ARHGEF3: variants seen among roughly 807,000 people sequenced by gnomAD.
ARHGEF3 encodes the protein 59.8 kDA protein.
ARHGEF3 carries 28 observed loss-of-function variants against 63.2 expected under a neutral mutation model. That is an observed-to-expected ratio of 0.44 (90% CI 0.33 to 0.61). The LOEUF (loss-of-function observed/expected upper bound fraction) is 0.61, where lower values mean the gene tolerates loss of function less well. ARHGEF3 is among the 20% of genes least tolerant of loss of function. The pLI is 0.03. For missense variants in ARHGEF3, 533 were observed against 659.3 expected (o/e 0.81, Z 2.10); for synonymous variants, 266 against 254.2 (o/e 1.05, Z -0.44).
At chr3:56,975,816 C>T in intron 2 of ARHGEF3, 1 of 421,230 alleles carries the variant, frequency 2.4e-6, no homozygotes, top group Non-Finnish European at 4.6e-6. Flanking sequence ...TGAAGTATAA[C>T]AGGACTTAAA....
Position 56,795,673 on chromosome 3 carries a change from T to C in ARHGEF3, c.96+6030A>G, listed in dbSNP as rs1029638746. 6.9e-4 allele frequency among the ~76,000 whole-genome samples: 104 copies of C among 151,184 alleles called. 3 individuals are homozygous for C. Among genetic ancestry groups the C allele is most frequent in the Non-Finnish European group, 2.5e-4 (17 of 67,858 alleles). On this transcript the variant is annotated intron_variant, in intron 1 of 9. Coordinates refer to ENST00000296315, the MANE Select transcript of ARHGEF3 (RefSeq NM_019555.3). ...TCTCTCTCTTTTTTTTTTTTGAAGA[T>C]GGACTCTTGCTCTGTTGCTCAGACT...
chr3:57,057,903 A>G (rs1705014098), intron 1 of ARHGEF3, among the ~76,000 whole-genome samples: 1 of 152,206 alleles, frequency 6.6e-6, no homozygotes, highest in Non-Finnish European at 1.5e-5. Context: ...TAGACAGACA[A>G]GGGAGAGTTG....
At chr3:57,025,333 G>A (rs1324405288) in intron 2 of ARHGEF3, among the ~76,000 whole-genome samples, 1 of 152,146 alleles carries the variant, frequency 6.6e-6, no homozygotes, top group Non-Finnish European at 1.5e-5. Flanking sequence ...TCTTTACAAT[G>A]ACACAATGAT....
At position 56,745,206 on chromosome 3, in the gene ARHGEF3, G is replaced by A; in HGVS notation, c.869C>T (p.Ala290Val). ...AGAGAAGGAAACAGACAAACTTACA[G>A]CTTCTTCCAAGTGCTGCTGATCTGG... Reference protein sequence around the residue: ...DNPDQQHLEEAINIIQGIVAE... With the variant: ...DNPDQQHLEEVINIIQGIVAE... Residue 290 changes from alanine (A) to valine (V), a missense_variant and splice_region_variant, in exon 7 of 10, where the codon GCT (alanine) becomes GTT (valine). Physicochemically the swap from Ala to Val is moderately conservative, Grantham distance 64. Transcript: ENST00000296315. 6.2e-7 allele frequency: 1 copy of A among 1,611,508 alleles called. No individual in the cohort carries two copies. The highest frequency in any genetic ancestry group is 1.1e-5 in the South Asian group (1 of 90,950).
chr3:56,748,721 C>G (rs977395329), intron 6 of ARHGEF3, among the ~76,000 whole-genome samples: 3 of 152,034 alleles, frequency 2.0e-5, no homozygotes, highest in Non-Finnish European at 4.4e-5. Context: ...TTTCTTTATG[C>G]TAGGGAAGGC....
intron 2 of ARHGEF3, among the ~76,000 whole-genome samples, chr3:56,966,254 T>C (rs1700490848): frequency 1.3e-5 from 2 of 152,194 alleles, no homozygotes; most frequent in African/African-American, 4.8e-5. Flanking sequence ...ATGTTGGATG[T>C]ATAGTGGGTA....
chr3:57,004,429 C>T (rs1310418094), intron 2 of ARHGEF3, among the ~76,000 whole-genome samples: 4 of 152,218 alleles, frequency 2.6e-5, no homozygotes, highest in Non-Finnish European at 5.9e-5. Context: ...CCAGGTTTTC[C>T]TTCTGTTCTC....
intron 1 of ARHGEF3, among the ~76,000 whole-genome samples, chr3:56,787,047 C>A (rs1457875275): frequency 6.6e-6 from 1 of 152,134 alleles, no homozygotes; most frequent in African/African-American, 2.4e-5. Flanking sequence ...CAGCAGAGAG[C>A]AGCAAGGTTC....
rs528130491 is a variant in ARHGEF3, at chr3:57,072,748, A to C, written c.-28+6478T>G. ...TGTCAAAAAAAAAAAAAAAAAGAAT[A>C]AAAATAAATAAAAACAAGCCAGGCG... On this transcript the variant is annotated intron_variant, in intron 1 of 12. Coordinates refer to the ARHGEF3 transcript ENST00000338458. 2.0e-5 allele frequency among the ~76,000 whole-genome samples: 3 copies of C among 150,790 alleles called. No homozygotes were observed. In the South Asian group the frequency reaches 6.3e-4, roughly 32 times the overall value.
chr3:57,062,475 A>C (rs967549856), intron 1 of ARHGEF3, among the ~76,000 whole-genome samples: 6 of 152,164 alleles, frequency 3.9e-5, no homozygotes, highest in Non-Finnish European at 8.8e-5. Flanking sequence ...GGTGCTCAGG[A>C]GCATGGGGAA....
intron 3 of ARHGEF3, among the ~76,000 whole-genome samples, chr3:56,948,595 T>C (rs975046864): frequency 6.6e-6 from 1 of 152,198 alleles, no homozygotes; most frequent in Non-Finnish European, 1.5e-5. Context: ...GTTGAATCTC[T>C]GAATAGACCA....
intron 3 of ARHGEF3, among the ~76,000 whole-genome samples, chr3:56,896,164 T>C (rs1376092674): frequency 6.6e-6 from 1 of 152,186 alleles, no homozygotes; most frequent in African/African-American, 2.4e-5. Context: ...TTTTGGCAAG[T>C]TTATTTTAAT....
At chr3:56,880,376 C>A (rs1368490682) in intron 4 of ARHGEF3, among the ~76,000 whole-genome samples, 1 of 152,216 alleles carries the variant, frequency 6.6e-6, no homozygotes, top group African/African-American at 2.4e-5. Flanking sequence ...AGTCTTGTGA[C>A]CTTGATGGGA....
At chr3:56,731,835 C>G (rs2033183199) in intron 9 of ARHGEF3, 1 of 298,618 alleles carries the variant, frequency 3.3e-6, no homozygotes, top group South Asian at 6.2e-5. Flanking sequence ...ATTCTTATGT[C>G]TCTTTAGGGA....
At chr3:56,942,866 G>A (rs1699257735) in intron 3 of ARHGEF3, among the ~76,000 whole-genome samples, 1 of 152,222 alleles carries the variant, frequency 6.6e-6, no homozygotes, top group Admixed American at 6.5e-5. Context: ...GATCAAACCA[G>A]CCACAACATT....
At chr3:57,010,221 A>G (rs35698629) in intron 2 of ARHGEF3, among the ~76,000 whole-genome samples, 24,514 of 151,818 alleles carry the variant, frequency 0.16, 2,445 homozygotes, top group Middle Eastern at 0.25. Context: ...TTGGGAGGCC[A>G]AGGCGGGCAG....
chr3:56,793,524 A>C (rs1200060714), intron 1 of ARHGEF3, among the ~76,000 whole-genome samples: 1 of 151,186 alleles, frequency 6.6e-6, no homozygotes, highest in African/African-American at 2.4e-5. Flanking sequence ...GCTGGTCTTG[A>C]ACTCCTAAGC....
chr3:56,920,751 T>TA (rs2042105529), intron 3 of ARHGEF3, among the ~76,000 whole-genome samples: 2 of 152,054 alleles, frequency 1.3e-5, no homozygotes, highest in East Asian at 1.9e-4. Context: ...AAATAGGTAG[T>TA]AAAAAAATCT....
At chr3:57,023,864 T>G (rs185162756) in intron 2 of ARHGEF3, among the ~76,000 whole-genome samples, 1 of 152,352 alleles carries the variant, frequency 6.6e-6, no homozygotes, top group Non-Finnish European at 1.5e-5. Flanking sequence ...TGGGAATAGC[T>G]TGTTTAGGTC....
Sources: allele counts gnomAD v4.1 joint callset (sites outside exome capture counted in the v4.1 genomes callset), GRCh38; gene constraint gnomAD v4.1.1; transcripts MANE v1.5; gene names NCBI Gene and HGNC (gene_info 2026-07-23, HGNC 2026-07-21).